Variants in SYT10 observed in about 807,000 individuals in gnomAD.
The protein encoded by SYT10 is synaptotagmin 10, also known as synaptotagmin-10.
In SYT10, 31 loss-of-function variants were observed where a neutral mutation model predicts 51.1. The ratio of observed to expected loss-of-function variants is 0.61; its 90% confidence interval spans 0.46 to 0.82. The LOEUF is 0.82. Among genes scored for constraint, SYT10 ranks in the 40% least tolerant of loss-of-function variants. The probability of loss-of-function intolerance (pLI) is 0.00; values close to 1 mark genes in which losing one functional copy is unlikely to be tolerated. For missense variants in SYT10, 603 were observed against 634.0 expected (o/e 0.95, Z 0.53); for synonymous variants, 233 against 225.9 (o/e 1.03, Z -0.28).
In SYT10 at chr12:33,376,635, T is replaced by A. The variant is rs1185836086; in HGVS notation, c.*195A>T. ...TAAAATGCCTTATGCAACTAAGGAC[T>A]ATATGTATTCAAGTAAAATGTATTG... On this transcript the variant is annotated 3_prime_UTR_variant, in exon 7 of 7. Coordinates refer to ENST00000228567, the MANE Select transcript of SYT10 (RefSeq NM_198992.4). 3.3e-6 allele frequency: 2 copies of A among 608,236 alleles called. No homozygotes were observed. The highest frequency in any genetic ancestry group is 1.9e-5 in the African/African-American group (1 of 53,988). 37.7% of individuals were successfully genotyped at this position (608,236 alleles called of 1,614,324 possible).
intron 3 of SYT10, among the ~76,000 whole-genome samples, chr12:33,397,398 C>T (rs979511959): frequency 6.6e-6 from 1 of 152,026 alleles, no homozygotes; most frequent in Non-Finnish European, 1.5e-5. Flanking sequence ...AGAAAGTGGT[C>T]AGAAAAAAGG....
chr12:33,381,873 C>T (rs7973722), intron 5 of SYT10, among the ~76,000 whole-genome samples: 9 of 152,026 alleles, frequency 5.9e-5, no homozygotes, highest in African/African-American at 2.2e-4. Flanking sequence ...TATTCACTTT[C>T]CACTCTTACT....
At chr12:33,398,596 G>C (rs1193260064) in intron 3 of SYT10, among the ~76,000 whole-genome samples, 1 of 152,080 alleles carries the variant, frequency 6.6e-6, no homozygotes, top group African/African-American at 2.4e-5. Flanking sequence ...AAGGAACTCT[G>C]AAAACTTTCT....
Position 33,426,280 on chromosome 12 carries a change from C to G in SYT10, c.367G>C (p.Ala123Pro). The change falls in exon 2 of 7, where the codon GCC becomes CCC. Residue 123 changes from alanine (A) to proline (P), a missense_variant. By Grantham distance (27) the Ala-to-Pro change is conservative. Transcript: ENST00000228567. ...ATTGCAGGCTCAATAGCTTTTACGG[C>G]TGGCTTTTCATTTTCCTTAATTTCT... is the stretch of plus-strand genomic sequence containing the variant. ...KKEIKENEKP[A>P]VKAIEPAIKI... 6.2e-7 allele frequency: 1 copy of G among 1,614,106 alleles called. No homozygotes were observed. The highest frequency in any genetic ancestry group is 8.5e-7 in the Non-Finnish European group (1 of 1,180,030).
intron 1 of SYT10, among the ~76,000 whole-genome samples, chr12:33,434,442 A>T (rs1384298794): frequency 6.6e-6 from 1 of 152,210 alleles, no homozygotes; most frequent in Non-Finnish European, 1.5e-5. Context: ...AGTAAGACTC[A>T]TTATCTTACA....
intron 2 of SYT10, among the ~76,000 whole-genome samples, chr12:33,421,754 T>C (rs182454330): frequency 3.9e-5 from 6 of 152,218 alleles, no homozygotes; most frequent in Non-Finnish European, 8.8e-5. Flanking sequence ...AATTGCTAGA[T>C]TGTAATTACA....
intron 1 of SYT10, among the ~76,000 whole-genome samples, chr12:33,438,643 G>C (rs138018221): frequency 6.6e-6 from 1 of 152,288 alleles, no homozygotes; most frequent in Non-Finnish European, 1.5e-5. Context: ...CTGTGAGTTG[G>C]ATGTCTGAGA....
chr12:33,404,406 T>G (rs1319688247), intron 3 of SYT10, among the ~76,000 whole-genome samples: 1 of 152,172 alleles, frequency 6.6e-6, no homozygotes, highest in African/African-American at 2.4e-5. Flanking sequence ...TTTATTTTTT[T>G]TTGAGATGGA....
intron 1 of SYT10, among the ~76,000 whole-genome samples, chr12:33,431,006 C>T (rs1234224844): frequency 6.6e-6 from 1 of 152,134 alleles, no homozygotes; most frequent in African/African-American, 2.4e-5. Flanking sequence ...CCAGCATAAA[C>T]AGGCCACGGC....
chr12:33,395,448 G>A (rs1866247685), intron 3 of SYT10, among the ~76,000 whole-genome samples: 3 of 152,282 alleles, frequency 2.0e-5, no homozygotes, highest in East Asian at 1.9e-4. Context: ...TAAATTCCTA[G>A]AACTTACAAT....
At chr12:33,377,633 T>TCTTTTC (rs60369166) in intron 6 of SYT10, among the ~76,000 whole-genome samples, 3 of 148,056 alleles carry the variant, frequency 2.0e-5, no homozygotes, top group South Asian at 2.1e-4. Flanking sequence ...CTTTTTCTTT[T>TCTTTTC]TTTTTTTTTT....
intron 2 of SYT10, among the ~76,000 whole-genome samples, chr12:33,423,343 G>A (rs1263886632): frequency 6.6e-6 from 1 of 151,936 alleles, no homozygotes; most frequent in African/African-American, 2.4e-5. Context: ...TGTTATGTGT[G>A]TGTGTGTGCG....
At chr12:33,415,324 G>T (rs1409093914) in intron 2 of SYT10, among the ~76,000 whole-genome samples, 4 of 152,114 alleles carry the variant, frequency 2.6e-5, no homozygotes, top group African/African-American at 9.7e-5. Flanking sequence ...AGAAGCCAAA[G>T]TACATATGCC....
chr12:33,376,549 A>G lies in SYT10; in HGVS notation c.*281T>C. Reference sequence around the variant, plus strand: ...TGAACTGTTTAAAAAAACATTTCATATGCAAAGAATTACAACATAGTAAAA... The same window carrying G: ...TGAACTGTTTAAAAAAACATTTCATGTGCAAAGAATTACAACATAGTAAAA... On this transcript the variant is annotated 3_prime_UTR_variant, in exon 7 of 7. Coordinates refer to ENST00000228567, the MANE Select transcript of SYT10 (RefSeq NM_198992.4). 4.8e-6 allele frequency: 2 copies of G among 412,508 alleles called. No individual in the cohort carries two copies. Among genetic ancestry groups the G allele is most frequent in the Non-Finnish European group, 8.8e-6 (2 of 226,970 alleles). The allele number at this position is 412,508 out of a possible 1,614,324, so 25.6% of individuals were successfully genotyped here. A position where few individuals can be genotyped will look rare whatever the true frequency, so the allele number is the denominator to read the frequency against.
intron 1 of SYT10, among the ~76,000 whole-genome samples, chr12:33,431,916 T>C (rs1285684801): frequency 6.6e-6 from 1 of 152,020 alleles, no homozygotes; most frequent in East Asian, 1.9e-4. Context: ...GGCCTGTATA[T>C]CTTTTATGAA....
At position 33,379,929 on chromosome 12, in the gene SYT10, C is replaced by T. The variant is rs765981943; in HGVS notation, c.1403G>A (p.Arg468Lys). Residue 468 changes from arginine (R) to lysine (K), a missense_variant, in exon 6 of 7, where the codon AGA becomes AAA. By Grantham distance (26) the Arg-to-Lys change is conservative. Coordinates refer to ENST00000228567, the MANE Select transcript of SYT10 (RefSeq NM_198992.4). The stretch of plus-strand genomic sequence containing the variant: ...AAGACCCTCAGCATCCAGTCCTGTT[C>T]TGCACACTCCTATGACCTCATTGTG... Reference protein sequence around the residue: ...VGHNEVIGVCRTGLDAEGLGR... With the variant: ...VGHNEVIGVCKTGLDAEGLGR... 1 of 1,613,954 alleles carries T rather than the reference C, an allele frequency of 6.2e-7. No homozygotes were observed. The highest frequency in any genetic ancestry group is 8.5e-7 in the Non-Finnish European group (1 of 1,179,888).
chr12:33,411,647 C>A (rs1162898773), intron 2 of SYT10, among the ~76,000 whole-genome samples: 7 of 151,936 alleles, frequency 4.6e-5, no homozygotes, highest in Non-Finnish European at 8.8e-5. Context: ...GAGAATTGGC[C>A]CCTAATTGAA....
At chr12:33,403,658 A>G (rs1472920850) in intron 3 of SYT10, among the ~76,000 whole-genome samples, 2 of 152,170 alleles carry the variant, frequency 1.3e-5, no homozygotes, top group African/African-American at 4.8e-5. Context: ...CATATACTGC[A>G]TTTCTTTTTA....
Position 33,433,522 on chromosome 12 carries a change from A to G in SYT10, c.151+5850T>C, listed in dbSNP as rs532034950. Among the ~76,000 whole-genome samples the G allele has an allele frequency of 6.3e-4, 96 of 152,326 alleles. 1 individual carries two copies. Among genetic ancestry groups the G allele is most frequent in the East Asian group, 7.7e-4 (4 of 5,188 alleles). On this transcript the variant is annotated intron_variant, in intron 1 of 6. Transcript: ENST00000228567. ...TGAAAGGAACTATATTTAGGATTAT[A>G]TGCGTTCAAAGTCGTGCATTTCAAA...
Sources: allele counts gnomAD v4.1 joint callset (sites outside exome capture counted in the v4.1 genomes callset), GRCh38; gene constraint gnomAD v4.1.1; transcripts MANE v1.5; gene names NCBI Gene and HGNC (gene_info 2026-07-23, HGNC 2026-07-21).